The following AKT3 variants were observed in gnomAD, a reference collection of about 807,000 sequenced individuals.
AKT3 encodes the protein RAC-gamma serine/threonine-protein kinase.
A neutral mutation model predicts 65.3 loss-of-function variants in AKT3; 15 were observed. The ratio of observed to expected loss-of-function variants is 0.23; its 90% confidence interval spans 0.15 to 0.35. The LOEUF (loss-of-function observed/expected upper bound fraction) is 0.35, where lower values mean the gene tolerates loss of function less well. Ranked by LOEUF, AKT3 falls within the 10% of genes least tolerant of loss-of-function variation. AKT3 has a pLI of 1.00. For missense variants in AKT3, 243 were observed against 576.5 expected (o/e 0.42, Z 5.92); for synonymous variants, 206 against 183.8 (o/e 1.12, Z -0.98).
At chr1:243,505,850 C>T (rs1669633590) in intron 13 of AKT3, among the ~76,000 whole-genome samples, 1 of 152,210 alleles carries the variant, frequency 6.6e-6, no homozygotes, top group African/African-American at 2.4e-5. Flanking sequence ...TTCCCAATTT[C>T]CCTATGATAA....
At chr1:243,535,392 G>A (rs987993719) in intron 12 of AKT3, among the ~76,000 whole-genome samples, 2 of 151,884 alleles carry the variant, frequency 1.3e-5, no homozygotes, top group African/African-American at 4.8e-5. Flanking sequence ...CTCACTCTGA[G>A]TCTCCAGTGT....
At chr1:243,745,074 C>A (rs1688396574) in intron 2 of AKT3, among the ~76,000 whole-genome samples, 1 of 152,066 alleles carries the variant, frequency 6.6e-6, no homozygotes, top group Non-Finnish European at 1.5e-5. Flanking sequence ...GGCCTGTAAT[C>A]CTAGCAGGAT....
chr1:243,642,992 C>T (rs905179765), intron 5 of AKT3, among the ~76,000 whole-genome samples: 1 of 152,168 alleles, frequency 6.6e-6, no homozygotes, highest in Non-Finnish European at 1.5e-5. Context: ...GAAAAGAGCT[C>T]TGACGAAGTT....
intron 11 of AKT3, among the ~76,000 whole-genome samples, chr1:243,547,701 A>G (rs1228939304): frequency 2.0e-5 from 3 of 152,194 alleles, no homozygotes; most frequent in Non-Finnish European, 4.4e-5. Flanking sequence ...ATATAATTCT[A>G]ATGAATTCTG....
chr1:243,781,105 T>TA (rs1260649927), intron 2 of AKT3, among the ~76,000 whole-genome samples: 1 of 152,138 alleles, frequency 6.6e-6, no homozygotes, highest in Non-Finnish European at 1.5e-5. Flanking sequence ...TACAGCCTTC[T>TA]AAAATTTTTT....
chr1:243,569,594 G>T (rs963771554), intron 9 of AKT3, among the ~76,000 whole-genome samples: 2 of 152,182 alleles, frequency 1.3e-5, no homozygotes, highest in Non-Finnish European at 2.9e-5. Context: ...ACCCCTTCGT[G>T]CCATTACTGA....
intron 2 of AKT3, among the ~76,000 whole-genome samples, chr1:243,768,745 G>GA (rs895093761): frequency 5.4e-5 from 8 of 149,376 alleles, no homozygotes; most frequent in African/African-American, 2.0e-4. Context: ...TGAGGCAGGA[G>GA]AATCACTTGA....
At chr1:243,652,379 C>T (rs1053023315) in intron 4 of AKT3, among the ~76,000 whole-genome samples, 2 of 151,936 alleles carry the variant, frequency 1.3e-5, no homozygotes, top group Non-Finnish European at 1.5e-5. Flanking sequence ...AACTAAGCTT[C>T]GTAAGTGAAG....
chr1:243,649,443 G>A (rs1364988811), intron 4 of AKT3, among the ~76,000 whole-genome samples: 1 of 151,306 alleles, frequency 6.6e-6, no homozygotes, highest in Non-Finnish European at 1.5e-5. Flanking sequence ...TTTAAGTTCT[G>A]GGGTACATGT....
chr1:243,777,816 G>A (rs1391021341), intron 2 of AKT3, among the ~76,000 whole-genome samples: 1 of 152,100 alleles, frequency 6.6e-6, no homozygotes, highest in Non-Finnish European at 1.5e-5. Flanking sequence ...TCGTTCAAAA[G>A]CATTAAAGAA....
chr1:243,530,103 ATGT>A (rs1179185995), intron 12 of AKT3, among the ~76,000 whole-genome samples: 7 of 152,144 alleles, frequency 4.6e-5, no homozygotes, highest in East Asian at 1.9e-4. Flanking sequence ...CTCAGCTTAG[ATGT>A]TGTTGTTGCA....
At chr1:243,551,818 G>C (rs1673085764) in intron 11 of AKT3, among the ~76,000 whole-genome samples, 1 of 151,960 alleles carries the variant, frequency 6.6e-6, no homozygotes, top group African/African-American at 2.4e-5. Flanking sequence ...TTATAAATAT[G>C]AATGAATGTA....
At chr1:243,697,223 G>A (rs944697304) in intron 2 of AKT3, among the ~76,000 whole-genome samples, 26 of 151,774 alleles carry the variant, frequency 1.7e-4, no homozygotes, top group Non-Finnish European at 3.7e-4. Flanking sequence ...TTTCTTTAAA[G>A]AAAGAAAAAT....
chr1:243,659,888 TTTATTG>T (rs1209876850), intron 4 of AKT3, among the ~76,000 whole-genome samples: 1 of 152,224 alleles, frequency 6.6e-6, no homozygotes, highest in African/African-American at 2.4e-5. Context: ...TTGCCACTAT[TTTATTG>T]AGGATTTTTG....
intron 2 of AKT3, among the ~76,000 whole-genome samples, chr1:243,782,564 C>G (rs2148312810): frequency 6.6e-6 from 1 of 152,160 alleles, no homozygotes; most frequent in East Asian, 1.9e-4. Context: ...ACTATCATAT[C>G]CGGGATTAGG....
Position 243,620,730 on chromosome 1 carries a change from G to A in AKT3, c.562-5569C>T, listed in dbSNP as rs142853742. The stretch of plus-strand genomic sequence containing the variant: ...TCACCTTGATGGAGATGAAAGCACC[G>A]TTGTTCTCTGTTAACTACAAACATT... On this transcript the variant is annotated intron_variant, in intron 6 of 13. Transcript: ENST00000673466. Among the ~76,000 whole-genome samples the A allele has an allele frequency of 6.6e-5, 10 of 152,070 alleles. No individual in the cohort carries two copies. The East Asian group carries it at 1.5e-3, about 24-fold the overall frequency.
At chr1:243,638,195 C>T (rs180689809) in intron 5 of AKT3, among the ~76,000 whole-genome samples, 1 of 152,024 alleles carries the variant, frequency 6.6e-6, no homozygotes, top group East Asian at 1.9e-4. Flanking sequence ...AGATAAAATC[C>T]AAGAAAGAGA....
At chr1:243,699,511 A>ATATATATATATATATATG (rs1685301766) in intron 2 of AKT3, among the ~76,000 whole-genome samples, 9 of 113,142 alleles carry the variant, frequency 8.0e-5, no homozygotes, top group African/African-American at 2.4e-4. Context: ...ATATATATAT[A>ATATATATATATATATATG]TAATCTTCAT....
intron 2 of AKT3, among the ~76,000 whole-genome samples, chr1:243,790,149 C>T (rs866636406): frequency 1.3e-5 from 2 of 152,206 alleles, no homozygotes; most frequent in South Asian, 2.1e-4. Context: ...AAGTCACTGT[C>T]CTTTGAAGCT....
Sources: allele counts gnomAD v4.1 joint callset (sites outside exome capture counted in the v4.1 genomes callset), GRCh38; gene constraint gnomAD v4.1.1; transcripts MANE v1.5; gene names NCBI Gene and HGNC (gene_info 2026-07-23, HGNC 2026-07-21).